Variants in CYTH4 observed in about 807,000 individuals in gnomAD.
CYTH4 encodes cytohesin 4, also known as cytohesin-4.
CYTH4 carries 22 observed loss-of-function variants against 57.5 expected under a neutral mutation model. That is an observed-to-expected ratio of 0.38 (90% CI 0.27 to 0.55). CYTH4 has a LOEUF of 0.55. Ranked by LOEUF, CYTH4 falls within the 20% of genes least tolerant of loss-of-function variation. The pLI is 0.74. For missense variants in CYTH4, 420 were observed against 535.6 expected, an observed-to-expected ratio of 0.78 and a Z score of 2.13; for synonymous variants, 186 against 206.5, an observed-to-expected ratio of 0.90 and a Z score of 0.85.
rs372056314 is a variant in CYTH4, at chr22:37,295,543, A to C, written c.168-456A>C. On this transcript the variant is annotated intron_variant, in intron 3 of 12. Transcript: ENST00000248901. The surrounding 1 kb of genome is among the most constrained non-coding windows in gnomAD (Gnocchi z 4.1). ...TACGCCTCACTGTTTTAGGTGCTTT[A>C]ACCTCTCAACAATGCTGGGAGGCAG... 2.4e-3 allele frequency among the ~76,000 whole-genome samples: 359 copies of C among 152,346 alleles called. No individual in the cohort carries two copies. Among genetic ancestry groups the C allele is most frequent in the Non-Finnish European group, 3.3e-3 (225 of 68,028 alleles).
rs1210808926 is a variant in CYTH4, at chr22:37,298,770, G to T, written c.354-456G>T. ...GCTCCCAAGGACACCCCTCCCTCCCGCGGTGAGCAGGGGATGCAGACGGTG... is the reference window on the plus strand; with the variant it reads ...GCTCCCAAGGACACCCCTCCCTCCCTCGGTGAGCAGGGGATGCAGACGGTG... On this transcript the variant is annotated intron_variant, in intron 5 of 12. Coordinates refer to ENST00000248901, the MANE Select transcript of CYTH4 (RefSeq NM_013385.5). This position sits in a 1 kb window ranked among gnomAD's most constrained non-coding sequence, Gnocchi z 4.1. Among the ~76,000 whole-genome samples the T allele has an allele frequency of 6.6e-6, 1 of 152,226 alleles. No individual in the cohort carries two copies. Among genetic ancestry groups the T allele is most frequent in the East Asian group, 1.9e-4 (1 of 5,170 alleles).
In CYTH4 at chr22:37,303,143, C is replaced by T. The variant is rs145579353; in HGVS notation, c.548-111C>T. On this transcript the variant is annotated intron_variant, in intron 7 of 12. Coordinates refer to ENST00000248901, the MANE Select transcript of CYTH4 (RefSeq NM_013385.5). Reference sequence around the variant, plus strand: ...GGCCTCAAAGCCCAAGCCAGGAGGACAAGGTGGACCTTCGGGGCCTTGCAA... The same window carrying T: ...GGCCTCAAAGCCCAAGCCAGGAGGATAAGGTGGACCTTCGGGGCCTTGCAA... The T allele has an allele frequency of 2.1e-6, 3 of 1,452,418 alleles. No homozygotes were observed. In the East Asian group the frequency reaches 7.7e-5, roughly 37 times the overall value. 90.0% of individuals were successfully genotyped at this position (1,452,418 alleles called of 1,614,324 possible).
At chr22:37,294,627 G>T in intron 2 of CYTH4, 33 bp from the exon 3 acceptor site, 1 of 1,612,828 alleles carries the variant, frequency 6.2e-7, no homozygotes, top group South Asian at 1.1e-5. Flanking sequence ...CTCCACCCCT[G>T]ACTCTCCCTG....
chr22:37,314,163 T>C lies in CYTH4; in HGVS notation c.*652T>C, dbSNP rs1929763345. 1 of 391,902 alleles carries C rather than the reference T, an allele frequency of 2.6e-6. No individual in the cohort carries two copies. Among genetic ancestry groups the C allele is most frequent in the Admixed American group, 4.4e-5 (1 of 22,534 alleles). The allele number at this position is 391,902 out of a possible 1,614,324, so 24.3% of individuals were successfully genotyped here. On this transcript the variant is annotated 3_prime_UTR_variant, in exon 13 of 13. Transcript: ENST00000248901. ...CCTCTGCCAAGTCATGCCCATTCTCTAGTTCTTGCAAAACTGCAGTGTTTG... is the reference window on the plus strand; with the variant it reads ...CCTCTGCCAAGTCATGCCCATTCTCCAGTTCTTGCAAAACTGCAGTGTTTG...
chr22:37,305,353 T>C (rs1324848062), intron 8 of CYTH4, among the ~76,000 whole-genome samples: 1 of 152,174 alleles, frequency 6.6e-6, no homozygotes, highest in Non-Finnish European at 1.5e-5. Context: ...GAAGCCCTTA[T>C]TATCCTCTTT....
chr22:37,313,549 G>A lies in CYTH4; in HGVS notation c.*38G>A, dbSNP rs749951347. ...TGGCACTGGGGGCTGGTCACCCTGA[G>A]AGTCCCATCGCCTGCAGCACCTGGA... On this transcript the variant is annotated 3_prime_UTR_variant, in exon 13 of 13. Coordinates refer to ENST00000248901, the MANE Select transcript of CYTH4 (RefSeq NM_013385.5). 1.3e-6 allele frequency: 2 copies of A among 1,597,026 alleles called. No homozygotes were observed. The highest frequency in any genetic ancestry group is 1.7e-6 in the Non-Finnish European group (2 of 1,164,522).
rs1929802090 is a variant in CYTH4, at chr22:37,314,900, C to T, written c.*1389C>T. The T allele has an allele frequency of 6.5e-6, 1 of 153,692 alleles. No individual in the cohort carries two copies. Among genetic ancestry groups the T allele is most frequent in the Admixed American group, 6.5e-5 (1 of 15,310 alleles). The allele number at this position is 153,692 out of a possible 1,614,324, so 9.5% of individuals were successfully genotyped here. ...ACCTCTCCTCGTCCCCACCCACCCC[C>T]ACATTTGCACACCTTCCACAGGGTC... is the stretch of plus-strand genomic sequence containing the variant. On this transcript the variant is annotated 3_prime_UTR_variant, in exon 13 of 13. Coordinates refer to ENST00000248901, the MANE Select transcript of CYTH4 (RefSeq NM_013385.5).
intron 1 of CYTH4, among the ~76,000 whole-genome samples, chr22:37,285,604 G>A (rs1928528275): frequency 6.6e-6 from 1 of 152,004 alleles, no homozygotes; most frequent in South Asian, 2.1e-4. Flanking sequence ...CCAGCTACTT[G>A]GGAGGCTGAG....
At position 37,303,237 on chromosome 22, in the gene CYTH4, C is replaced by G. The variant is rs778462920; in HGVS notation, c.548-17C>G. Reference sequence around the variant, plus strand: ...GAGTGGCCAGGGCCAGAACTGTGACCGCTGTCCCCTCCGCAGACACCTGCT... The same window carrying G: ...GAGTGGCCAGGGCCAGAACTGTGACGGCTGTCCCCTCCGCAGACACCTGCT... On this transcript the variant is annotated splice_polypyrimidine_tract_variant and intron_variant, in intron 7 of 12. Coordinates refer to ENST00000248901, the MANE Select transcript of CYTH4 (RefSeq NM_013385.5). 6 of 1,613,740 alleles carry G rather than the reference C, an allele frequency of 3.7e-6. No homozygotes were observed. In the East Asian group the frequency reaches 1.3e-4, roughly 36 times the overall value.
intron 9 of CYTH4, chr22:37,309,911 A>C (rs1929574674): frequency 2.4e-6 from 1 of 418,886 alleles, no homozygotes. Context: ...CTGCAGTAAT[A>C]GTGGCTGTAG....
At chr22:37,297,342 G>C (rs1405384321) in intron 4 of CYTH4, among the ~76,000 whole-genome samples, 1 of 152,134 alleles carries the variant, frequency 6.6e-6, no homozygotes, top group East Asian at 1.9e-4. Context: ...CTGGTTCATG[G>C]CAGGAAAGCT....
intron 8 of CYTH4, among the ~76,000 whole-genome samples, chr22:37,307,841 A>G (rs933103260): frequency 2.0e-5 from 3 of 152,220 alleles, no homozygotes; most frequent in Non-Finnish European, 4.4e-5. Context: ...ATAGAACGCA[A>G]TATCTCATGG....
Position 37,312,136 on chromosome 22 carries a change from C to T in CYTH4, c.1074C>T (p.Thr358=). ...GKHESYRISA[T]SAEERDQWIE... ...ACGAATCGTACCGCATCTCAGCCAC[C>T]AGTGCCGAGGAACGTGACCAGTGGA... Residue 358 remains threonine (T), a synonymous_variant, in exon 12 of 13, where the codon ACC becomes ACT. Transcript: ENST00000248901. 6.2e-7 allele frequency: 1 copy of T among 1,614,248 alleles called. No individual in the cohort carries two copies. The highest frequency in any genetic ancestry group is 8.5e-7 in the Non-Finnish European group (1 of 1,180,032).
At chr22:37,299,329 C>A in intron 6 of CYTH4, 23 bp downstream of exon 6, 1 of 1,610,780 alleles carries the variant, frequency 6.2e-7, no homozygotes, top group East Asian at 2.2e-5. Context: ...GGGGCAGGGT[C>A]CCGGCCCTCA....
In CYTH4 at chr22:37,297,580, T is replaced by A. The variant is rs149336996; in HGVS notation, c.251T>A (p.Ile84Asn). ...CCCCTCCAGGGTATCCAGTATTTCA[T>A]TGAGCACAAGCTGCTGACCCCTGAC... ...MDPAKGIQYF[I>N]EHKLLTPDVQ... Residue 84 changes from isoleucine (I) to asparagine (N), a missense_variant, in exon 5 of 13, where the codon ATT becomes AAT. Ile to Asn is a moderately radical substitution (Grantham distance 149). Transcript: ENST00000248901. The A allele has an allele frequency of 6.2e-7, 1 of 1,613,724 alleles. No individual in the cohort carries two copies. Among genetic ancestry groups the A allele is most frequent in the Admixed American group, 1.7e-5 (1 of 60,002 alleles).
intron 7 of CYTH4, chr22:37,302,076 C>G (rs1929205555): frequency 5.9e-6 from 1 of 169,120 alleles, no homozygotes; most frequent in Admixed American, 6.5e-5. Flanking sequence ...AATATAGCTT[C>G]AGAGAGATAA....
At chr22:37,313,369 C>A (rs1370479545) in intron 12 of CYTH4, 70 bp from the exon 13 acceptor site, 3 of 1,483,146 alleles carry the variant, frequency 2.0e-6, no homozygotes, top group African/African-American at 2.8e-5. Flanking sequence ...GCCCCTGATA[C>A]AAGCCCTGGG....
intron 7 of CYTH4, 70 bp downstream of exon 7, chr22:37,301,089 C>A (rs1378321024): frequency 2.0e-5 from 28 of 1,378,072 alleles, no homozygotes; most frequent in African/African-American, 1.6e-4. Context: ...ATTTCACAGA[C>A]CCCCTCAGGT....
intron 1 of CYTH4, among the ~76,000 whole-genome samples, chr22:37,285,495 C>T (rs1038117288): frequency 6.6e-6 from 1 of 152,110 alleles, no homozygotes; most frequent in Non-Finnish European, 1.5e-5. Context: ...CACCAGAGGT[C>T]AGGAGATCGA....
Sources: gnomAD v4.1 joint callset for allele counts (sites outside exome capture counted in the v4.1 genomes callset) on GRCh38, gnomAD v4.1.1 for gene constraint, Gnocchi (gnomAD v3.1) non-coding constraint, MANE v1.5 for transcripts, NCBI Gene and HGNC (gene_info 2026-07-23, HGNC 2026-07-21) for gene names.